Variants in PDE10A observed in about 807,000 individuals in gnomAD.
PDE10A encodes cAMP and cAMP-inhibited cGMP 3',5'-cyclic phosphodiesterase 10A.
PDE10A carries 39 observed loss-of-function variants against 97.7 expected under a neutral mutation model. The ratio of observed to expected loss-of-function variants is 0.40; its 90% CI spans 0.31 to 0.52. The LOEUF (loss-of-function observed/expected upper bound fraction) is 0.52. Ranked by LOEUF, PDE10A falls within the 20% of genes least tolerant of loss-of-function variation. PDE10A has a pLI of 0.56. For synonymous variants in PDE10A, 371 were observed against 376.8 expected, an observed-to-expected ratio of 0.98 and a Z score of 0.18; for missense variants, 731 against 1,047.8, an observed-to-expected ratio of 0.70 and a Z score of 4.17.
intron 1 of PDE10A, among the ~76,000 whole-genome samples, chr6:165,765,332 A>AG (rs1368879099): frequency 6.6e-6 from 1 of 152,180 alleles, no homozygotes; most frequent in Admixed American, 6.5e-5. Flanking sequence ...GCTGTAGAGC[A>AG]GGGGGCGGCG....
At chr6:165,647,580 A>T (rs1789464574) in intron 1 of PDE10A, among the ~76,000 whole-genome samples, 1 of 151,692 alleles carries the variant, frequency 6.6e-6, no homozygotes, top group African/African-American at 2.4e-5. Context: ...TATTTGCAAC[A>T]CATTTTCCTT....
intron 1 of PDE10A, among the ~76,000 whole-genome samples, chr6:165,625,994 T>G (rs1562640977): frequency 6.6e-6 from 1 of 152,134 alleles, no homozygotes; most frequent in African/African-American, 2.4e-5. Flanking sequence ...TGGGACTAAG[T>G]GGGCGAAGAG....
In PDE10A at chr6:165,561,695, A is replaced by T. The variant is rs370301351; in HGVS notation, c.866-18127T>A. On this transcript the variant is annotated intron_variant, in intron 1 of 21. Transcript: ENST00000539869. Reference sequence around the variant, plus strand: ...GGTCCTAAAATAGGAAGATTATCTAACTGGGCCTGGCCTAACCAAATGAGT... The same window carrying T: ...GGTCCTAAAATAGGAAGATTATCTATCTGGGCCTGGCCTAACCAAATGAGT... Among the ~76,000 whole-genome samples the T allele has an allele frequency of 1.6e-4, 25 of 152,328 alleles. 1 individual carries two copies. The highest frequency in any genetic ancestry group is 6.0e-4 in the African/African-American group (25 of 41,580).
intron 2 of PDE10A, among the ~76,000 whole-genome samples, chr6:165,532,030 A>T (rs541485313): frequency 9.2e-5 from 14 of 152,292 alleles, no homozygotes; most frequent in Admixed American, 3.9e-4. Flanking sequence ...AAACTTTTTT[A>T]AAAAAAGGAG....
At chr6:165,433,518 T>C (rs1009023415) in intron 6 of PDE10A, among the ~76,000 whole-genome samples, 9 of 152,228 alleles carry the variant, frequency 5.9e-5, no homozygotes, top group Non-Finnish European at 1.2e-4. Flanking sequence ...GTAAACACTA[T>C]GTGAAGAAAA....
At chr6:165,856,776 C>T (rs1219280278) in intron 1 of PDE10A, among the ~76,000 whole-genome samples, 5 of 152,246 alleles carry the variant, frequency 3.3e-5, no homozygotes, top group African/African-American at 9.6e-5. Flanking sequence ...CTTCATGCTA[C>T]GTTCATAAAT....
At chr6:165,697,718 C>A (rs765243269) in intron 1 of PDE10A, among the ~76,000 whole-genome samples, 1 of 151,826 alleles carries the variant, frequency 6.6e-6, no homozygotes, top group Non-Finnish European at 1.5e-5. Flanking sequence ...GTAGATGGGG[C>A]GATTGGAAGT....
intron 3 of PDE10A, among the ~76,000 whole-genome samples, chr6:165,454,387 T>C (rs1339994863): frequency 6.6e-6 from 1 of 152,180 alleles, no homozygotes; most frequent in African/African-American, 2.4e-5. Context: ...TGGAGTGCTA[T>C]GGTTTAAATG....
At chr6:165,493,656 T>C (rs573892843) in intron 2 of PDE10A, among the ~76,000 whole-genome samples, 59 of 152,076 alleles carry the variant, frequency 3.9e-4, no homozygotes, top group African/African-American at 1.4e-3. Context: ...TCATCTCTCA[T>C]CTTATACAAA....
chr6:165,822,762 A>T (rs1257944612), intron 1 of PDE10A, among the ~76,000 whole-genome samples: 1 of 152,214 alleles, frequency 6.6e-6, no homozygotes, highest in East Asian at 1.9e-4. Flanking sequence ...CTATACACTT[A>T]GGCTGCAAGA....
intron 1 of PDE10A, among the ~76,000 whole-genome samples, chr6:165,717,965 G>C (rs1474793004): frequency 6.6e-6 from 1 of 152,278 alleles, no homozygotes; most frequent in East Asian, 1.9e-4. Flanking sequence ...TCGTTGAGTT[G>C]CAGGAATTCT....
At chr6:165,621,019 CAAAAAAAAA>C in intron 1 of PDE10A, among the ~76,000 whole-genome samples, 1 of 107,382 alleles carries the variant, frequency 9.3e-6, no homozygotes, top group Non-Finnish European at 1.9e-5. Context: ...GACTCTGTCT[CAAAAAAAAA>C]AAAAAAGGAA....
intron 1 of PDE10A, among the ~76,000 whole-genome samples, chr6:165,980,809 G>T (rs1160795107): frequency 1.3e-5 from 2 of 152,256 alleles, no homozygotes; most frequent in Admixed American, 1.3e-4. Context: ...CAAGATATTG[G>T]TCATCGTGAT....
chr6:165,808,606 C>T (rs1273642014), intron 1 of PDE10A, among the ~76,000 whole-genome samples: 1 of 152,122 alleles, frequency 6.6e-6, no homozygotes. Context: ...TGCTCTGTGG[C>T]GGGAGAGGAA....
intron 1 of PDE10A, among the ~76,000 whole-genome samples, chr6:165,907,788 C>T (rs936453044): frequency 3.4e-5 from 5 of 148,240 alleles, no homozygotes; most frequent in African/African-American, 7.8e-5. Flanking sequence ...GCTGAGGCCG[C>T]GCCCAGAGCA....
At chr6:165,513,184 G>A (rs1329222858) in intron 2 of PDE10A, among the ~76,000 whole-genome samples, 1 of 151,836 alleles carries the variant, frequency 6.6e-6, no homozygotes, top group Non-Finnish European at 1.5e-5. Flanking sequence ...CTTACAGTAA[G>A]GCATATGATT....
At chr6:165,518,652 A>G (rs1781957535) in intron 2 of PDE10A, among the ~76,000 whole-genome samples, 1 of 152,216 alleles carries the variant, frequency 6.6e-6, no homozygotes, top group South Asian at 2.1e-4. Context: ...CCTTTAAGTG[A>G]AATGGTGAAA....
In PDE10A at chr6:165,886,424, CAGG is replaced by C. The variant is rs1486455205; in HGVS notation, c.-615+101102_-615+101104del. Among the ~76,000 whole-genome samples the C allele has an allele frequency of 1.2e-4, 18 of 152,202 alleles. 1 individual carries two copies. Among genetic ancestry groups the C allele is most frequent in the Admixed American group, 1.2e-3 (18 of 15,288 alleles). On this transcript the variant is annotated intron_variant, in intron 1 of 19. Coordinates refer to the PDE10A transcript ENST00000366882. The stretch of plus-strand genomic sequence containing the variant: ...CCCTGCAGCTCTGCAGCCCTGGAGC[CAGG>C]AGAAGCCCCAAAGTGCTTGCTGCTC...
Position 165,333,136 on chromosome 6 carries a change from A to G in PDE10A, c.3066-9T>C, listed in dbSNP as rs772889496. The G allele has an allele frequency of 6.7e-6, 10 of 1,499,576 alleles. No individual in the cohort carries two copies. The highest frequency in any genetic ancestry group is 9.3e-6 in the Non-Finnish European group (10 of 1,075,296). The allele number at this position is 1,499,576 out of a possible 1,614,324, so 92.9% of individuals were successfully genotyped here. The stretch of plus-strand genomic sequence containing the variant: ...ACTGACTGAGATTATCCCTAGGGAT[A>G]AAAGATGCAGTTTCAGGAGAAGCTG... On this transcript the variant is annotated splice_polypyrimidine_tract_variant and intron_variant, in intron 21 of 21. Transcript: ENST00000539869.
Sources: gnomAD v4.1 joint callset for allele counts (sites outside exome capture counted in the v4.1 genomes callset) on GRCh38, gnomAD v4.1.1 for gene constraint, MANE v1.5 for transcripts, NCBI Gene and HGNC (gene_info 2026-07-23, HGNC 2026-07-21) for gene names.